ABL1: variants seen among roughly 807,000 people sequenced by gnomAD.
ABL1 encodes ABL proto-oncogene 1, non-receptor tyrosine kinase, also known as tyrosine-protein kinase ABL1.
A neutral mutation model predicts 94.7 loss-of-function variants in ABL1; 11 were observed. That is an observed-to-expected ratio of 0.12 (90% CI 0.07 to 0.19). ABL1 has a LOEUF of 0.19. Ranked by LOEUF, ABL1 falls within the 10% of genes least tolerant of loss-of-function variation. The pLI is 1.00. For synonymous variants in ABL1, 656 were observed against 622.4 expected, an observed-to-expected ratio of 1.05 and a Z score of -0.80; for missense variants, 1,082 against 1,489.4, an observed-to-expected ratio of 0.73 and a Z score of 4.50.
intron 1 of ABL1, among the ~76,000 whole-genome samples, chr9:130,827,095 G>C (rs1349696447): frequency 5.9e-5 from 9 of 152,046 alleles, no homozygotes; most frequent in Non-Finnish European, 4.4e-5. Context: ...AAAAAGAAAA[G>C]AAATGCCCCG....
rs34834982 is a variant in ABL1, at chr9:130,862,061, G to T, written c.550-702G>T. ...CGTAAATCCTTCCTTTTGCTTCCTC[G>T]TGTTGGATGTGTTTAGTGGTTTTCA... On this transcript the variant is annotated intron_variant, in intron 3 of 10. Coordinates refer to ENST00000318560, the MANE Select transcript of ABL1 (RefSeq NM_005157.6). The surrounding 1 kb of genome is among the most constrained non-coding windows in gnomAD (Gnocchi z 5.5). Among the ~76,000 whole-genome samples the T allele has an allele frequency of 6.6e-6, 1 of 152,146 alleles. No individual in the cohort carries two copies. Among genetic ancestry groups the T allele is most frequent in the African/African-American group, 2.4e-5 (1 of 41,422 alleles).
At chr9:130,735,361 T>C (rs538186390) in intron 1 of ABL1, among the ~76,000 whole-genome samples, 2 of 152,258 alleles carry the variant, frequency 1.3e-5, no homozygotes, top group Admixed American at 1.3e-4. Context: ...GATAATACAT[T>C]TTCTAATTTA....
intron 1 of ABL1, among the ~76,000 whole-genome samples, chr9:130,762,909 C>CAAAAAA (rs5900905): frequency 2.2e-5 from 2 of 92,868 alleles, no homozygotes. Flanking sequence ...GACTCCGTCT[C>CAAAAAA]AAAAAAAAAA....
chr9:130,808,663 G>A (rs1830163861), intron 1 of ABL1, among the ~76,000 whole-genome samples: 1 of 152,158 alleles, frequency 6.6e-6, no homozygotes, highest in Non-Finnish European at 1.5e-5. Context: ...GTTTCACCTT[G>A]AACACTTCTG....
intron 3 of ABL1, 65 bp downstream of exon 3, chr9:130,855,161 G>C (rs377505675): frequency 6.6e-7 from 1 of 1,505,204 alleles, no homozygotes; most frequent in Non-Finnish European, 9.0e-7. Flanking sequence ...TCCTGCTGTC[G>C]GATTGATAAA....
chr9:130,771,861 C>G (rs185228612), intron 1 of ABL1, among the ~76,000 whole-genome samples: 1 of 150,930 alleles, frequency 6.6e-6, no homozygotes, highest in Non-Finnish European at 1.5e-5. Context: ...TCAAGCAATC[C>G]TCCCACCTCA....
chr9:130,865,549 C>A lies in ABL1; in HGVS notation c.822+2514C>A, dbSNP rs191093840. Among the ~76,000 whole-genome samples, 180 of 152,200 alleles carry A rather than the reference C, an allele frequency of 1.2e-3. 4 individuals carry two copies. In the South Asian group the frequency reaches 0.036, roughly 30 times the overall value. Reference sequence around the variant, plus strand: ...ATTGCTTGAGCCCAGGAGTTAAAGACCAGCCTGGGCAACATGGCAAAACTC... The same window carrying A: ...ATTGCTTGAGCCCAGGAGTTAAAGAACAGCCTGGGCAACATGGCAAAACTC... On this transcript the variant is annotated intron_variant, in intron 4 of 10. Transcript: ENST00000318560.
At chr9:130,713,943 A>G (rs945877231) in exon 1 of ABL1, 3 of 237,654 alleles carry the variant, frequency 1.3e-5, no homozygotes, top group Non-Finnish European at 2.5e-5. Flanking sequence ...CGTTTCCTTT[A>G]TGTGTGAGAA....
chr9:130,880,366 GTA>G lies in ABL1; in HGVS notation c.1514-132_1514-131del. The G allele has an allele frequency of 1.7e-6, 2 of 1,161,322 alleles. No individual in the cohort carries two copies. The highest frequency in any genetic ancestry group is 1.5e-5 in the South Asian group (1 of 66,148). The allele number at this position is 1,161,322 out of a possible 1,614,324, so 71.9% of individuals were successfully genotyped here. On this transcript the variant is annotated intron_variant, in intron 9 of 10. Coordinates refer to ENST00000318560, the MANE Select transcript of ABL1 (RefSeq NM_005157.6). This position sits in a 1 kb window ranked among gnomAD's most constrained non-coding sequence, Gnocchi z 4.4. Reference sequence around the variant, plus strand: ...AGAAATGCTAAGGGCTGTTTCTCCGGTATCCACGTGCCTTTTCTTTAGTTGTA... The same window carrying G: ...AGAAATGCTAAGGGCTGTTTCTCCGGTCCACGTGCCTTTTCTTTAGTTGTA...
At chr9:130,792,560 G>C (rs1057159512) in intron 1 of ABL1, among the ~76,000 whole-genome samples, 3 of 152,072 alleles carry the variant, frequency 2.0e-5, no homozygotes, top group Non-Finnish European at 1.5e-5. Flanking sequence ...GACCCTGAAT[G>C]GCACAAGGAG....
chr9:130,728,530 C>T (rs1186396988), intron 1 of ABL1, among the ~76,000 whole-genome samples: 5 of 151,640 alleles, frequency 3.3e-5, no homozygotes, highest in Admixed American at 2.6e-4. Context: ...GGACTACAGG[C>T]GCCTGCCACC....
At chr9:130,830,097 T>C (rs1830476729) in intron 1 of ABL1, among the ~76,000 whole-genome samples, 1 of 152,192 alleles carries the variant, frequency 6.6e-6, no homozygotes, top group Non-Finnish European at 1.5e-5. Flanking sequence ...GTTATGTATA[T>C]TACTTTGATT....
intron 1 of ABL1, among the ~76,000 whole-genome samples, chr9:130,739,863 TAGGG>T (rs1279957068): frequency 2.0e-5 from 3 of 152,058 alleles, no homozygotes; most frequent in Admixed American, 1.3e-4. Context: ...GCCTCCAACA[TAGGG>T]AGACCCCAAC....
At chr9:130,792,436 C>G (rs1246305408) in intron 1 of ABL1, among the ~76,000 whole-genome samples, 3 of 151,880 alleles carry the variant, frequency 2.0e-5, no homozygotes, top group African/African-American at 4.8e-5. Context: ...CTTTTTTTCC[C>G]TTTCCAGTTC....
intron 1 of ABL1, among the ~76,000 whole-genome samples, chr9:130,735,957 ATATATT>A (rs1311598546): frequency 2.1e-4 from 9 of 43,830 alleles, no homozygotes; most frequent in African/African-American, 4.8e-4. Flanking sequence ...ATATATATAT[ATATATT>A]TTTTTTTTTT....
At chr9:130,768,103 G>C (rs1564284832) in intron 1 of ABL1, among the ~76,000 whole-genome samples, 1 of 152,120 alleles carries the variant, frequency 6.6e-6, no homozygotes, top group Non-Finnish European at 1.5e-5. Flanking sequence ...CTGCTCTCTT[G>C]AACAGCATCA....
rs1474327092 is a variant in ABL1 at position 130,854,824 on chromosome 9, T to C, written c.277T>C (p.Tyr93His). The stretch of plus-strand genomic sequence containing the variant: ...AGGTGAAAAGCTCCGGGTCTTAGGC[T>C]ATAATCACAATGGGGAATGGTGTGA... ...TKGEKLRVLG[Y>H]NHNGEWCEAQ... The change falls in exon 3 of 11, where the codon TAT becomes CAT. Residue 93 changes from tyrosine to histidine, a missense_variant. Tyr to His is a moderately conservative substitution (Grantham distance 83). Around this residue, in one of 7 missense-constraint regions of ABL1, gnomAD observed 47 missense variants for 142.2 expected, o/e 0.33. Coordinates refer to ENST00000318560, the MANE Select transcript of ABL1 (RefSeq NM_005157.6). 6.2e-7 allele frequency: 1 copy of C among 1,614,202 alleles called. No homozygotes were observed. Among genetic ancestry groups the C allele is most frequent in the Admixed American group, 1.7e-5 (1 of 60,030 alleles).
At chr9:130,845,970 G>A (rs1024953886) in intron 1 of ABL1, among the ~76,000 whole-genome samples, 5 of 152,108 alleles carry the variant, frequency 3.3e-5, no homozygotes, top group Non-Finnish European at 7.3e-5. Context: ...GGCTACTGCT[G>A]GTTCTTTACG....
chr9:130,809,227 C>G (rs1255683966), intron 1 of ABL1, among the ~76,000 whole-genome samples: 1 of 152,124 alleles, frequency 6.6e-6, no homozygotes, highest in Non-Finnish European at 1.5e-5. Context: ...CCCCTTAGTT[C>G]AGGGAAGGAG....
Sources: gnomAD v4.1 joint callset for allele counts (sites outside exome capture counted in the v4.1 genomes callset) on GRCh38, gnomAD v4.1.1 for gene constraint, gnomAD v4.1.1 regional missense constraint, Gnocchi (gnomAD v3.1) non-coding constraint, MANE v1.5 for transcripts, NCBI Gene and HGNC (gene_info 2026-07-23, HGNC 2026-07-21) for gene names.